Variants in METAP1D observed in about 807,000 individuals in gnomAD.
METAP1D encodes the protein methionine aminopeptidase 1D, mitochondrial.
A neutral mutation model predicts 40.5 loss-of-function variants in METAP1D; 31 were observed. The observed-to-expected ratio is 0.77, with a 90% confidence interval of 0.58 to 1.03. METAP1D has a LOEUF of 1.03. Ranked by LOEUF, METAP1D falls within the 50% of genes least tolerant of loss-of-function variation. METAP1D has a pLI of 0.00. For synonymous variants in METAP1D, 151 were observed against 146.4 expected (o/e 1.03, Z -0.22); for missense variants, 411 against 420.7 (o/e 0.98, Z 0.20).
At chr2:172,010,971 T>C (rs1688705287) in intron 1 of METAP1D, among the ~76,000 whole-genome samples, 1 of 151,988 alleles carries the variant, frequency 6.6e-6, no homozygotes, top group Admixed American at 6.6e-5. Flanking sequence ...CAGGCTGGTC[T>C]CTTAAACTCC....
At chr2:172,020,193 G>T (rs1049481228) in intron 1 of METAP1D, among the ~76,000 whole-genome samples, 1 of 152,014 alleles carries the variant, frequency 6.6e-6, no homozygotes, top group Admixed American at 6.6e-5. Context: ...CACCATGTTG[G>T]CCAGGATGGT....
chr2:172,045,771 G>T, intron 1 of METAP1D, among the ~76,000 whole-genome samples: 1 of 85,824 alleles, frequency 1.2e-5, no homozygotes, highest in African/African-American at 4.7e-5. Context: ...GTGTATATAT[G>T]TATATATGTG....
intron 5 of METAP1D, among the ~76,000 whole-genome samples, chr2:172,069,671 A>G (rs775268416): frequency 1.3e-5 from 2 of 152,232 alleles, no homozygotes; most frequent in Non-Finnish European, 2.9e-5. Context: ...GAGTAAATGT[A>G]TAAAACACTA....
intron 1 of METAP1D, among the ~76,000 whole-genome samples, chr2:172,046,180 C>T (rs1270383017): frequency 6.6e-6 from 1 of 151,344 alleles, no homozygotes; most frequent in Non-Finnish European, 1.5e-5. Flanking sequence ...GTCTGTAACT[C>T]TTCCTTCTCC....
At position 172,024,000 on chromosome 2, in the gene METAP1D, G is replaced by A. The variant is rs191510010; in HGVS notation, c.40+23991G>A. 1.0e-3 allele frequency among the ~76,000 whole-genome samples: 154 copies of A among 151,850 alleles called. 3 individuals are homozygous for A. In the East Asian group the frequency reaches 0.029, roughly 29 times the overall value. ...CTCCCAAGTAGCTGGGACTACAGGC[G>A]CCCGCCACCATGCCCGGCTAATTTT... is the stretch of plus-strand genomic sequence containing the variant. On this transcript the variant is annotated intron_variant, in intron 1 of 9. Transcript: ENST00000315796.
chr2:172,018,775 A>G (rs1688938791), intron 1 of METAP1D, among the ~76,000 whole-genome samples: 1 of 149,814 alleles, frequency 6.7e-6, no homozygotes, highest in African/African-American at 2.5e-5. Context: ...GCGGGCTATT[A>G]CCTTTCTGCC....
intron 1 of METAP1D, among the ~76,000 whole-genome samples, chr2:172,037,279 C>G (rs1177801494): frequency 1.3e-5 from 2 of 148,662 alleles, no homozygotes; most frequent in African/African-American, 5.0e-5. Flanking sequence ...AAAAAAAAGT[C>G]TAGGTTTTAC....
chr2:172,043,044 T>TACACATATATGTGTATATGTGTACAC lies in METAP1D; in HGVS notation c.41-18454_41-18453insACACATATATGTGTATATGTGTACAC, dbSNP rs1559008704. Among the ~76,000 whole-genome samples the TACACATATATGTGTATATGTGTACAC allele has an allele frequency of 2.5e-4, 28 of 110,438 alleles. 2 individuals carry two copies. In the East Asian group the frequency reaches 0.012, roughly 47 times the overall value. 72.5% of individuals were successfully genotyped at this position (110,438 alleles called of 152,430 possible). A position where few individuals can be genotyped will look rare whatever the true frequency, so the allele number is the denominator to read the frequency against. On this transcript the variant is annotated intron_variant, in intron 1 of 9. Coordinates refer to ENST00000315796, the MANE Select transcript of METAP1D (RefSeq NM_199227.3). ...ACATATATGTGTATATGTGTACACGTGTACACATATATGTGTATATATATA... is the reference window on the plus strand; with the variant it reads ...ACATATATGTGTATATGTGTACACGTACACATATATGTGTATATGTGTACACGTACACATATATGTGTATATATATA...
intron 1 of METAP1D, among the ~76,000 whole-genome samples, chr2:172,020,333 T>G (rs961093403): frequency 5.3e-5 from 8 of 152,186 alleles, no homozygotes; most frequent in Non-Finnish European, 8.8e-5. Flanking sequence ...CTCTGAAATA[T>G]CAAGGCTTTT....
At chr2:172,054,761 G>C (rs1689965374) in intron 1 of METAP1D, among the ~76,000 whole-genome samples, 1 of 152,172 alleles carries the variant, frequency 6.6e-6, no homozygotes, top group Non-Finnish European at 1.5e-5. Context: ...TTCAAGAGAT[G>C]TTCAGACTGC....
chr2:172,078,105 A>G (rs1559023491), intron 7 of METAP1D, among the ~76,000 whole-genome samples: 1 of 152,110 alleles, frequency 6.6e-6, no homozygotes, highest in Non-Finnish European at 1.5e-5. Context: ...TTCAATCCCA[A>G]AATAAGGTTT....
rs763820361 is a variant in METAP1D at position 172,063,714 on chromosome 2, A to G, written c.202A>G (p.Ile68Val). 20 of 1,612,864 alleles carry G rather than the reference A, an allele frequency of 1.2e-5. No homozygotes were observed. Among genetic ancestry groups the G allele is most frequent in the Non-Finnish European group, 1.7e-5 (20 of 1,179,062 alleles). The change falls in exon 3 of 10, where the codon ATA becomes GTA. Residue 68 changes from isoleucine to valine, a missense_variant. Transcript: ENST00000315796. ...VSSAHPVPKH[I>V]KKPDYVTTGI... ...TTTTCAATCCTTTTTCCTCAAGCAC[A>G]TAAAGAAGCCAGACTATGTGACGAC...
Position 172,041,710 on chromosome 2 carries a change from C to T in METAP1D, c.41-19788C>T, listed in dbSNP as rs761057557. Among the ~76,000 whole-genome samples the T allele has an allele frequency of 1.9e-4, 11 of 59,266 alleles. 1 individual carries two copies. Among genetic ancestry groups the T allele is most frequent in the Non-Finnish European group, 3.4e-4 (9 of 26,156 alleles). The allele number at this position is 59,266 out of a possible 152,430, so 38.9% of individuals were successfully genotyped here. A position where few individuals can be genotyped will look rare whatever the true frequency, so the allele number is the denominator to read the frequency against. On this transcript the variant is annotated intron_variant, in intron 1 of 9. Transcript: ENST00000315796. ...TAAGAATATAAAAACGTTTTAATTT[C>T]CTTACTCTAATTATTTTATATATAT...
At chr2:172,007,723 T>G (rs1688620234) in intron 1 of METAP1D, among the ~76,000 whole-genome samples, 1 of 152,146 alleles carries the variant, frequency 6.6e-6, no homozygotes, top group Admixed American at 6.5e-5. Flanking sequence ...AGACAGAGTC[T>G]CTGTTGCCCA....
rs1029010420 is a variant in METAP1D, at chr2:172,081,367, C to G, written c.*961C>G. ...GCAGGAGCCGCAAACGTCAGCTGTT[C>G]TGGAAACCGAGAGGGTCCCAGAGAG... is the stretch of plus-strand genomic sequence containing the variant. On this transcript the variant is annotated 3_prime_UTR_variant, in exon 10 of 10. Coordinates refer to ENST00000315796, the MANE Select transcript of METAP1D (RefSeq NM_199227.3). The G allele has an allele frequency of 2.0e-5, 3 of 152,350 alleles. No individual in the cohort carries two copies. Among genetic ancestry groups the G allele is most frequent in the Non-Finnish European group, 4.4e-5 (3 of 68,124 alleles). 9.4% of individuals were successfully genotyped at this position (152,350 alleles called of 1,614,324 possible). A position where few individuals can be genotyped will look rare whatever the true frequency, so the allele number is the denominator to read the frequency against.
At chr2:172,078,574 A>G (rs1690608243) in intron 7 of METAP1D, among the ~76,000 whole-genome samples, 1 of 152,166 alleles carries the variant, frequency 6.6e-6, no homozygotes, top group African/African-American at 2.4e-5. Context: ...CTGTGCCCCT[A>G]TGGACTTGAT....
chr2:172,030,150 T>C (rs76253341), intron 1 of METAP1D, among the ~76,000 whole-genome samples: 10,787 of 151,324 alleles, frequency 0.071, 993 homozygotes, highest in East Asian at 0.49. Context: ...AGTGCAATGG[T>C]GTGATCTCGG....
intron 8 of METAP1D, 69 bp downstream of exon 8, chr2:172,079,331 C>G (rs147863580): frequency 2.8e-6 from 4 of 1,449,332 alleles, no homozygotes; most frequent in East Asian, 4.5e-5. Flanking sequence ...GGCCTAGGCC[C>G]GGCAGTCCGG....
chr2:172,016,345 T>G, intron 1 of METAP1D, among the ~76,000 whole-genome samples: 2 of 115,890 alleles, frequency 1.7e-5, no homozygotes, highest in African/African-American at 3.3e-5. Flanking sequence ...AGTCCAGGCG[T>G]GGTGACTAAT....
Sources: gnomAD v4.1 joint callset for allele counts (sites outside exome capture counted in the v4.1 genomes callset) on GRCh38, gnomAD v4.1.1 for gene constraint, MANE v1.5 for transcripts, NCBI Gene and HGNC (gene_info 2026-07-23, HGNC 2026-07-21) for gene names.